DNAJC15: variants seen among roughly 807,000 people sequenced by gnomAD.
DNAJC15 encodes the protein DnaJ heat shock protein family (Hsp40) member C15, also known as dnaJ homolog subfamily C member 15.
Under a neutral mutation model 22.4 loss-of-function variants are expected in DNAJC15, and 27 were observed. That is an observed-to-expected ratio of 1.20 (90% CI 0.89 to 1.66). The LOEUF (loss-of-function observed/expected upper bound fraction) is 1.66. Among genes scored for constraint, DNAJC15 ranks in the 40% most tolerant of loss-of-function variants. DNAJC15 has a pLI of 0.00. For missense variants in DNAJC15, 208 were observed against 187.1 expected, an observed-to-expected ratio of 1.11 and a Z score of -0.65; for synonymous variants, 79 against 63.2, an observed-to-expected ratio of 1.25 and a Z score of -1.19.
At chr13:43,102,883 C>T (rs546256866) in intron 5 of DNAJC15, among the ~76,000 whole-genome samples, 2 of 152,176 alleles carry the variant, frequency 1.3e-5, no homozygotes, top group South Asian at 2.1e-4. Context: ...TCTTTCTCTT[C>T]TGTTTTTCGG....
chr13:43,038,682 C>G (rs2040439592), intron 1 of DNAJC15, among the ~76,000 whole-genome samples: 1 of 151,610 alleles, frequency 6.6e-6, no homozygotes, highest in South Asian at 2.1e-4. Context: ...GTACCAGCTA[C>G]TCGGGAAGCT....
chr13:43,093,405 T>C (rs1250863895), intron 5 of DNAJC15, among the ~76,000 whole-genome samples: 1 of 152,188 alleles, frequency 6.6e-6, no homozygotes, highest in East Asian at 1.9e-4. Flanking sequence ...TTTCTTTTTA[T>C]TTTTCTTTTT....
chr13:43,104,371 G>A (rs549970318), intron 5 of DNAJC15, among the ~76,000 whole-genome samples: 3 of 152,304 alleles, frequency 2.0e-5, no homozygotes, highest in South Asian at 4.1e-4. Context: ...TCATCATAGT[G>A]CATTTCCGTT....
intron 5 of DNAJC15, among the ~76,000 whole-genome samples, chr13:43,103,056 A>C (rs2040777684): frequency 6.6e-6 from 1 of 152,006 alleles, no homozygotes; most frequent in African/African-American, 2.4e-5. Context: ...ATGTGCTCTG[A>C]CATGAAGTTG....
At chr13:43,034,880 C>T (rs1014932516) in intron 1 of DNAJC15, among the ~76,000 whole-genome samples, 1 of 152,102 alleles carries the variant, frequency 6.6e-6, no homozygotes, top group Non-Finnish European at 1.5e-5. Flanking sequence ...GCCCCAGTCC[C>T]AAAATCAGGC....
chr13:43,104,351 A>G (rs1407779718), intron 5 of DNAJC15, among the ~76,000 whole-genome samples: 1 of 152,216 alleles, frequency 6.6e-6, no homozygotes, highest in Non-Finnish European at 1.5e-5. Flanking sequence ...AGCAGTGCAG[A>G]ATGTTGGGCT....
intron 1 of DNAJC15, among the ~76,000 whole-genome samples, chr13:43,057,870 TTC>T (rs2040539418): frequency 6.6e-6 from 1 of 152,172 alleles, no homozygotes; most frequent in South Asian, 2.1e-4. Context: ...GTTACTGCTC[TTC>T]TGGGTCTAGC....
chr13:43,029,730 T>G (rs1593307572), intron 1 of DNAJC15, among the ~76,000 whole-genome samples: 1 of 152,182 alleles, frequency 6.6e-6, no homozygotes, highest in East Asian at 1.9e-4. Flanking sequence ...GGCCCATTTG[T>G]TGATCTGCTG....
chr13:43,038,489 G>A (rs1247642227), intron 1 of DNAJC15, among the ~76,000 whole-genome samples: 3 of 152,128 alleles, frequency 2.0e-5, no homozygotes, highest in African/African-American at 4.8e-5. Flanking sequence ...AAACATAGGA[G>A]TATTAAAAAT....
rs1003580766 is a variant in DNAJC15 at position 43,023,795 on chromosome 13, C to T, written c.108+61C>T. ...TCCCTTGTAGTTTCTGCTTCAGCCC[C>T]CTCTACCGCCTCACCCTTGAACCTT... is the stretch of plus-strand genomic sequence containing the variant. On this transcript the variant is annotated intron_variant, in intron 1 of 5. Coordinates refer to ENST00000379221, the MANE Select transcript of DNAJC15 (RefSeq NM_013238.3). The T allele has an allele frequency of 4.9e-6, 7 of 1,432,708 alleles. 1 individual carries two copies. The South Asian group carries it at 8.5e-5, about 17-fold the overall frequency. The allele number at this position is 1,432,708 out of a possible 1,614,324, so 88.7% of individuals were successfully genotyped here. A position where few individuals can be genotyped will look rare whatever the true frequency, so the allele number is the denominator to read the frequency against.
intron 4 of DNAJC15, among the ~76,000 whole-genome samples, chr13:43,085,550 G>A (rs945471971): frequency 5.9e-5 from 9 of 152,096 alleles, no homozygotes; most frequent in African/African-American, 2.2e-4. Flanking sequence ...TGAGAATAAG[G>A]ATTGGCATTA....
At chr13:43,105,664 A>T (rs1275112838) in intron 5 of DNAJC15, among the ~76,000 whole-genome samples, 1 of 152,184 alleles carries the variant, frequency 6.6e-6, no homozygotes, top group Non-Finnish European at 1.5e-5. Flanking sequence ...AGTATGGCCT[A>T]TGATTTAAAT....
At chr13:43,094,369 C>T (rs1263786569) in intron 5 of DNAJC15, among the ~76,000 whole-genome samples, 1 of 152,216 alleles carries the variant, frequency 6.6e-6, no homozygotes, top group Non-Finnish European at 1.5e-5. Flanking sequence ...CTCTTAGGTT[C>T]CACCCTAGAC....
At chr13:43,106,531 A>G (rs960316422) in intron 5 of DNAJC15, among the ~76,000 whole-genome samples, 2 of 152,138 alleles carry the variant, frequency 1.3e-5, no homozygotes, top group African/African-American at 2.4e-5. Context: ...TGTAAATCCA[A>G]AACTACACTC....
At chr13:43,045,454 A>G (rs2040472628) in intron 1 of DNAJC15, among the ~76,000 whole-genome samples, 1 of 152,204 alleles carries the variant, frequency 6.6e-6, no homozygotes, top group South Asian at 2.1e-4. Context: ...ACGGGCACAC[A>G]ACACTAAAGA....
intron 5 of DNAJC15, 84 bp from the exon 6 acceptor site, chr13:43,107,092 CAA>C (rs2040800303): frequency 5.6e-6 from 6 of 1,063,634 alleles, no homozygotes; most frequent in Admixed American, 3.6e-5. Context: ...AGACAATATT[CAA>C]AAAAGAGTAT....
intron 1 of DNAJC15, among the ~76,000 whole-genome samples, chr13:43,051,742 G>C (rs1171892732): frequency 6.6e-6 from 1 of 151,996 alleles, no homozygotes; most frequent in South Asian, 2.1e-4. Context: ...GAATTGTGCT[G>C]CCATAAACAT....
intron 1 of DNAJC15, among the ~76,000 whole-genome samples, chr13:43,028,615 C>T (rs2040391161): frequency 6.6e-6 from 1 of 152,154 alleles, no homozygotes; most frequent in Non-Finnish European, 1.5e-5. Flanking sequence ...TGTACTGATC[C>T]TTAAATGACA....
At chr13:43,095,793 AG>A (rs1316322266) in intron 5 of DNAJC15, among the ~76,000 whole-genome samples, 3 of 152,182 alleles carry the variant, frequency 2.0e-5, no homozygotes, top group Admixed American at 2.0e-4. Context: ...AAGGATAGAG[AG>A]GAGGGTCCAG....
Sources: allele counts gnomAD v4.1 joint callset (sites outside exome capture counted in the v4.1 genomes callset), GRCh38; gene constraint gnomAD v4.1.1; transcripts MANE v1.5; gene names NCBI Gene and HGNC (gene_info 2026-07-23, HGNC 2026-07-21).